Variants in NKAIN2 observed in about 807,000 individuals in gnomAD.
The protein encoded by NKAIN2 is sodium/potassium-transporting ATPase subunit beta-1-interacting protein 2.
Under a neutral mutation model 32.6 loss-of-function variants are expected in NKAIN2, and 14 were observed. That is an observed-to-expected ratio of 0.43 (90% confidence interval 0.28 to 0.67). NKAIN2 has a LOEUF of 0.67. NKAIN2 is among the 30% of genes least tolerant of loss of function. NKAIN2 has a pLI of 0.17. For synonymous variants in NKAIN2, 80 were observed against 87.2 expected, an observed-to-expected ratio of 0.92 and a Z score of 0.46; for missense variants, 198 against 258.3, an observed-to-expected ratio of 0.77 and a Z score of 1.60.
At chr6:123,970,220 G>T (rs1205043573) in intron 1 of NKAIN2, among the ~76,000 whole-genome samples, 1 of 151,954 alleles carries the variant, frequency 6.6e-6, no homozygotes, top group East Asian at 1.9e-4. Flanking sequence ...TAGGGAAGAG[G>T]AACAAAAGGA....
At chr6:124,396,774 C>A (rs73770479) in intron 3 of NKAIN2, among the ~76,000 whole-genome samples, 2,133 of 152,122 alleles carry the variant, frequency 0.014, 48 homozygotes, top group African/African-American at 0.049. Context: ...CAAAGATGAC[C>A]AAAAACTTGC....
At chr6:123,955,195 CCA>C (rs1777509725) in intron 1 of NKAIN2, among the ~76,000 whole-genome samples, 1 of 99,280 alleles carries the variant, frequency 1.0e-5, no homozygotes. Flanking sequence ...TACAGAAAAA[CCA>C]AAAAAAAAAA....
intron 3 of NKAIN2, among the ~76,000 whole-genome samples, chr6:124,533,329 G>A (rs1383131910): frequency 2.0e-5 from 3 of 151,762 alleles, no homozygotes; most frequent in African/African-American, 4.8e-5. Flanking sequence ...AAAATTAGCC[G>A]GGCATGGTGG....
At chr6:124,275,810 G>C (rs1241547477) in intron 1 of NKAIN2, among the ~76,000 whole-genome samples, 2 of 146,660 alleles carry the variant, frequency 1.4e-5, no homozygotes, top group Admixed American at 1.3e-4. Flanking sequence ...TTTCAAATTT[G>C]TATTGAAATA....
At chr6:124,186,979 A>T (rs376021950) in intron 1 of NKAIN2, among the ~76,000 whole-genome samples, 1 of 151,926 alleles carries the variant, frequency 6.6e-6, no homozygotes, top group Non-Finnish European at 1.5e-5. Context: ...TTTTTTAAAA[A>T]TTTTTACTTA....
intron 3 of NKAIN2, among the ~76,000 whole-genome samples, chr6:124,458,909 C>A (rs979539021): frequency 6.6e-6 from 1 of 151,686 alleles, no homozygotes; most frequent in Non-Finnish European, 1.5e-5. Flanking sequence ...TGCTTCCTGC[C>A]GTATTTCCCA....
intron 3 of NKAIN2, among the ~76,000 whole-genome samples, chr6:124,486,197 C>T (rs1209282045): frequency 6.6e-6 from 1 of 152,104 alleles, no homozygotes; most frequent in African/African-American, 2.4e-5. Flanking sequence ...TTTTCTAAAA[C>T]TCTTGTTGGC....
chr6:124,137,676 C>T (rs78115620), intron 1 of NKAIN2, among the ~76,000 whole-genome samples: 4,414 of 151,872 alleles, frequency 0.029, 174 homozygotes, highest in East Asian at 0.11. Context: ...TATAGACTAA[C>T]GGAATATAAT....
intron 1 of NKAIN2, among the ~76,000 whole-genome samples, chr6:123,824,582 T>G (rs1219729707): frequency 6.6e-6 from 1 of 152,042 alleles, no homozygotes; most frequent in African/African-American, 2.4e-5. Flanking sequence ...TAAAAATTAC[T>G]ATCCCATAGA....
At chr6:124,756,350 C>A (rs1777964341) in intron 4 of NKAIN2, among the ~76,000 whole-genome samples, 1 of 151,944 alleles carries the variant, frequency 6.6e-6, no homozygotes. Flanking sequence ...AGGTGTGAAC[C>A]CATTTCGTTT....
At chr6:124,522,962 T>G (rs1583382682) in intron 3 of NKAIN2, among the ~76,000 whole-genome samples, 1 of 150,022 alleles carries the variant, frequency 6.7e-6, no homozygotes, top group South Asian at 2.1e-4. Flanking sequence ...GCTAAAACGG[T>G]GAAACCCCGT....
chr6:124,656,936 T>C (rs1298587633), intron 3 of NKAIN2, among the ~76,000 whole-genome samples: 2 of 152,122 alleles, frequency 1.3e-5, no homozygotes, highest in Non-Finnish European at 2.9e-5. Context: ...AGCTGCTGTG[T>C]TTCCTAGGTT....
chr6:123,872,664 A>G (rs1409451654), intron 1 of NKAIN2, among the ~76,000 whole-genome samples: 2 of 152,252 alleles, frequency 1.3e-5, no homozygotes, highest in African/African-American at 4.8e-5. Flanking sequence ...GGCTCACACA[A>G]AGATGAGTTG....
intron 3 of NKAIN2, among the ~76,000 whole-genome samples, chr6:124,564,536 C>T (rs1352453355): frequency 6.6e-6 from 1 of 152,202 alleles, no homozygotes; most frequent in Non-Finnish European, 1.5e-5. Context: ...GGTCCCATTA[C>T]ACGGAAGCTT....
chr6:124,162,235 C>G (rs1202941979), intron 1 of NKAIN2, among the ~76,000 whole-genome samples: 1 of 151,936 alleles, frequency 6.6e-6, no homozygotes, highest in African/African-American at 2.4e-5. Context: ...TGACATACAC[C>G]TAAGTACCAA....
chr6:124,522,463 G>A (rs1779152209), intron 3 of NKAIN2, among the ~76,000 whole-genome samples: 1 of 152,194 alleles, frequency 6.6e-6, no homozygotes, highest in Non-Finnish European at 1.5e-5. Flanking sequence ...AGTTTTAGAT[G>A]AGGCTGTGTA....
chr6:124,365,573 A>G lies in NKAIN2; in HGVS notation c.273+10226A>G, dbSNP rs980184005. ...AATAGAATTAAAAGGAGAAATAGCC[A>G]TATCCACAATCACAGTGGGAAACTT... On this transcript the variant is annotated intron_variant, in intron 3 of 6. Transcript: ENST00000368417. Among the ~76,000 whole-genome samples, 20 of 151,978 alleles carry G rather than the reference A, an allele frequency of 1.3e-4. 1 individual carries two copies. Among genetic ancestry groups the G allele is most frequent in the Admixed American group, 1.0e-3 (16 of 15,246 alleles).
At chr6:123,814,733 A>G (rs139148133) in intron 1 of NKAIN2, among the ~76,000 whole-genome samples, 221 of 152,276 alleles carry the variant, frequency 1.5e-3, no homozygotes, top group South Asian at 3.7e-3. Flanking sequence ...AACTTTACAC[A>G]CAAACTAGGG....
intron 3 of NKAIN2, among the ~76,000 whole-genome samples, chr6:124,447,056 C>T (rs756668833): frequency 5.9e-5 from 9 of 152,106 alleles, no homozygotes; most frequent in Admixed American, 2.0e-4. Flanking sequence ...TCTACTGCCA[C>T]TTTCCAAATC....
Sources: allele counts gnomAD v4.1 joint callset (sites outside exome capture counted in the v4.1 genomes callset), GRCh38; gene constraint gnomAD v4.1.1; transcripts MANE v1.5; gene names NCBI Gene and HGNC (gene_info 2026-07-23, HGNC 2026-07-21).